POT1: variants seen among roughly 807,000 people sequenced by gnomAD.
POT1 encodes protection of telomeres 1.
In POT1, 47 loss-of-function variants were observed where a neutral mutation model predicts 78.5. The observed-to-expected ratio is 0.60, with a 90% CI of 0.47 to 0.76. The LOEUF is 0.76. Among genes scored for constraint, POT1 ranks in the 30% least tolerant of loss-of-function variants. POT1 has a pLI of 0.00. For missense variants in POT1, 646 were observed against 749.9 expected, an observed-to-expected ratio of 0.86 and a Z score of 1.62; for synonymous variants, 259 against 260.7, an observed-to-expected ratio of 0.99 and a Z score of 0.06.
chr7:124,868,946 T>G (rs980022817), intron 7 of POT1, among the ~76,000 whole-genome samples: 1 of 151,936 alleles, frequency 6.6e-6, no homozygotes, highest in African/African-American at 2.4e-5. Context: ...TATATTGAAC[T>G]GAATGGTAAT....
Position 124,858,971 on chromosome 7 carries a change from C to T in POT1, c.688G>A (p.Ala230Thr), listed in dbSNP as rs1315178609. ...ILVYDNHVHV[A>T]RSLKVGSFLR... ...CTATACATCACCTTCAGAGATCTTGCCACATGAACATGGTTATCGTAGACT... is the reference window on the plus strand; with the variant it reads ...CTATACATCACCTTCAGAGATCTTGTCACATGAACATGGTTATCGTAGACT... The change falls in exon 9 of 19, where the codon GCA becomes ACA. Residue 230 changes from alanine to threonine, a missense_variant. By Grantham distance (58) the Ala-to-Thr change is moderately conservative. Coordinates refer to ENST00000357628, the MANE Select transcript of POT1 (RefSeq NM_015450.3). The T allele has an allele frequency of 9.3e-6, 15 of 1,605,852 alleles. No homozygotes were observed. The highest frequency in any genetic ancestry group is 1.1e-5 in the Non-Finnish European group (13 of 1,174,980).
At chr7:124,879,062 A>G (rs994337722) in intron 6 of POT1, among the ~76,000 whole-genome samples, 24 of 152,186 alleles carry the variant, frequency 1.6e-4, no homozygotes, top group African/African-American at 5.1e-4. Flanking sequence ...AAACATTTAT[A>G]TAATCTAAAC....
intron 3 of POT1, chr7:124,900,962 C>T (rs928407091): frequency 1.0e-5 from 2 of 196,078 alleles, no homozygotes; most frequent in African/African-American, 4.7e-5. Flanking sequence ...GGGCTTCCAC[C>T]ATTGCTGAGG....
At chr7:124,839,059 A>G (rs1408361533) in intron 14 of POT1, among the ~76,000 whole-genome samples, 1 of 152,250 alleles carries the variant, frequency 6.6e-6, no homozygotes, top group Non-Finnish European at 1.5e-5. Flanking sequence ...TTCAAGAATT[A>G]CTATATAGCT....
At chr7:124,826,203 T>C (rs73445708) in intron 17 of POT1, among the ~76,000 whole-genome samples, 48 of 152,268 alleles carry the variant, frequency 3.2e-4, no homozygotes, top group African/African-American at 1.1e-3. Context: ...AGCTTCCCTA[T>C]CTGGCAATAT....
chr7:124,925,254 G>A (rs939061924), intron 2 of POT1, among the ~76,000 whole-genome samples: 1 of 151,972 alleles, frequency 6.6e-6, no homozygotes, highest in African/African-American at 2.4e-5. Flanking sequence ...GGTAAATTAA[G>A]TAAAGCTTCA....
rs1584777703 is a variant in POT1 at position 124,870,914 on chromosome 7, C to T, written c.252G>A (p.Leu84=). 1.2e-6 allele frequency: 2 copies of T among 1,604,974 alleles called. No homozygotes were observed. The highest frequency in any genetic ancestry group is 8.5e-7 in the Non-Finnish European group (1 of 1,175,512). Residue 84 remains leucine, a synonymous_variant, in exon 7 of 19, where the codon CTG becomes CTA. Coordinates refer to ENST00000357628, the MANE Select transcript of POT1 (RefSeq NM_015450.3). Reference sequence around the variant, plus strand: ...TTCTAGACAATATGAATTATACCTTCAGCCTGTGAAAGCGAACAATATCTC... The same window carrying T: ...TTCTAGACAATATGAATTATACCTTTAGCCTGTGAAAGCGAACAATATCTC... ...KNGDIVRFHR[L]KIQVYKKETQ...
chr7:124,825,277 C>T lies in POT1; in HGVS notation c.1767G>A (p.Met589Ile). 9 of 1,608,294 alleles carry T rather than the reference C, an allele frequency of 5.6e-6. No homozygotes were observed. Among genetic ancestry groups the T allele is most frequent in the Non-Finnish European group, 7.6e-6 (9 of 1,177,292 alleles). ...CAATTTTTATTCCTGGAGGACAAAACATATCCATGATCATATCCACACTTT... is the reference window on the plus strand; with the variant it reads ...CAATTTTTATTCCTGGAGGACAAAATATATCCATGATCATATCCACACTTT... Reference protein sequence around the residue: ...LQKSVDMIMDMFCPPGIKIDA... With the variant: ...LQKSVDMIMDIFCPPGIKIDA... The change falls in exon 18 of 19, where the codon ATG becomes ATA. Residue 589 changes from methionine (M) to isoleucine (I), a missense_variant. Physicochemically the swap from Met to Ile is conservative, Grantham distance 10. Around this residue, in one of 2 missense-constraint regions of POT1, gnomAD observed 394 missense variants for 408.4 expected, o/e 0.96. Coordinates refer to ENST00000357628, the MANE Select transcript of POT1 (RefSeq NM_015450.3).
At chr7:124,837,121 T>A (rs1794917220) in intron 14 of POT1, 1 of 212,650 alleles carries the variant, frequency 4.7e-6, no homozygotes, top group African/African-American at 2.3e-5. Context: ...TTTTCTGACA[T>A]TTATTAAGTC....
At chr7:124,897,723 A>G (rs566917373) in intron 4 of POT1, among the ~76,000 whole-genome samples, 4 of 152,004 alleles carry the variant, frequency 2.6e-5, no homozygotes, top group Admixed American at 2.6e-4. Context: ...ACCAGTGCTT[A>G]TAGTACCTTT....
intron 6 of POT1, among the ~76,000 whole-genome samples, chr7:124,876,407 T>G (rs1478851012): frequency 6.6e-6 from 1 of 152,158 alleles, no homozygotes; most frequent in Non-Finnish European, 1.5e-5. Flanking sequence ...GTCAAAAAAC[T>G]GATATCTCCT....
At chr7:124,858,791 A>G (rs1795508069) in intron 9 of POT1, 166 bp downstream of exon 9, 3 of 444,090 alleles carry the variant, frequency 6.8e-6, no homozygotes, top group East Asian at 7.0e-5. Context: ...TTTATCTTTT[A>G]ATAATTTATT....
intron 15 of POT1, among the ~76,000 whole-genome samples, chr7:124,832,154 G>T (rs1348762014): frequency 6.7e-6 from 1 of 149,396 alleles, no homozygotes; most frequent in Non-Finnish European, 1.5e-5. Context: ...AGCTAGTTGG[G>T]AGGCTGAGAT....
At chr7:124,864,558 C>T (rs1795675453) in intron 7 of POT1, among the ~76,000 whole-genome samples, 1 of 151,200 alleles carries the variant, frequency 6.6e-6, no homozygotes, top group Non-Finnish European at 1.5e-5. Flanking sequence ...TTTTGGAATT[C>T]TTACTAGTGC....
intron 6 of POT1, among the ~76,000 whole-genome samples, chr7:124,878,018 G>A (rs750882607): frequency 8.6e-5 from 13 of 151,842 alleles, no homozygotes; most frequent in African/African-American, 1.2e-4. Flanking sequence ...AATGCCTAGC[G>A]GGTGGCAGTG....
chr7:124,841,326 A>G lies in POT1; in HGVS notation c.1164-148T>C, dbSNP rs181616266. 286 of 617,334 alleles carry G rather than the reference A, an allele frequency of 4.6e-4. No homozygotes were observed. In the African/African-American group the frequency reaches 5.0e-3, roughly 11 times the overall value. The allele number at this position is 617,334 out of a possible 1,614,324, so 38.2% of individuals were successfully genotyped here. Reference sequence around the variant, plus strand: ...TTAAATTATGTAAATTATGGAGATAATTCACTTTGCAGAACAAATAACTTT... The same window carrying G: ...TTAAATTATGTAAATTATGGAGATAGTTCACTTTGCAGAACAAATAACTTT... On this transcript the variant is annotated intron_variant, in intron 13 of 18. Transcript: ENST00000357628.
chr7:124,827,373 T>C (rs1346560732), intron 16 of POT1, 68 bp from the exon 17 acceptor site: 12 of 917,096 alleles, frequency 1.3e-5, no homozygotes, highest in South Asian at 9.9e-5. Flanking sequence ...AAAGTTAAAA[T>C]TGTTTTATGA....
chr7:124,910,134 G>GT (rs959883274), intron 3 of POT1, among the ~76,000 whole-genome samples: 1 of 151,962 alleles, frequency 6.6e-6, no homozygotes, highest in South Asian at 2.1e-4. Flanking sequence ...GCATAGCAGT[G>GT]TTTTTTACCT....
intron 15 of POT1, among the ~76,000 whole-genome samples, chr7:124,831,908 T>C (rs1342481459): frequency 1.3e-5 from 2 of 151,210 alleles, no homozygotes; most frequent in African/African-American, 4.9e-5. Flanking sequence ...AATCCAAGTT[T>C]GGAAAAGTAG....
Sources: gnomAD v4.1 joint callset for allele counts (sites outside exome capture counted in the v4.1 genomes callset) on GRCh38, gnomAD v4.1.1 for gene constraint, gnomAD v4.1.1 regional missense constraint, MANE v1.5 for transcripts, NCBI Gene and HGNC (gene_info 2026-07-23, HGNC 2026-07-21) for gene names.